Variants in IQGAP3 observed in about 807,000 individuals in gnomAD.
The protein encoded by IQGAP3 is ras GTPase-activating-like protein IQGAP3.
Under a neutral mutation model 208.2 loss-of-function variants are expected in IQGAP3, and 165 were observed. That is an observed-to-expected ratio of 0.79 (90% CI 0.70 to 0.90). The LOEUF is 0.90. Among genes scored for constraint, IQGAP3 ranks in the 40% least tolerant of loss-of-function variants. The probability of loss-of-function intolerance (pLI) is 0.00; values close to 1 mark genes in which losing one functional copy is unlikely to be tolerated. For synonymous variants in IQGAP3, 703 were observed against 803.6 expected (o/e 0.87, Z 2.12); for missense variants, 1,811 against 2,043.1 (o/e 0.89, Z 2.19).
In IQGAP3 at chr1:156,544,263, C is replaced by A. The variant is rs760205441; in HGVS notation, c.2389-40G>T. 8 of 1,605,046 alleles carry A rather than the reference C, an allele frequency of 5.0e-6. No homozygotes were observed. In the Admixed American group the frequency reaches 6.7e-5, roughly 13 times the overall value. Reference sequence around the variant, plus strand: ...ACACTGCCTCAGCTCCAGCTTGGGGCCCACCCTCACTCAGTCTCAGGCCAA... The same window carrying A: ...ACACTGCCTCAGCTCCAGCTTGGGGACCACCCTCACTCAGTCTCAGGCCAA... On this transcript the variant is annotated intron_variant, in intron 20 of 37. Coordinates refer to ENST00000361170, the MANE Select transcript of IQGAP3 (RefSeq NM_178229.5).
In IQGAP3 at chr1:156,544,482, A is replaced by C. The variant is rs373851830; in HGVS notation, c.2305-10T>G. 7 of 1,610,556 alleles carry C rather than the reference A, an allele frequency of 4.3e-6. No homozygotes were observed. Among genetic ancestry groups the C allele is most frequent in the Non-Finnish European group, 5.9e-6 (7 of 1,176,706 alleles). ...AACCCCGCCAATGAGCCTGCACATC[A>C]GGAGAGAAAGGGAAGTAACTCAAGC... On this transcript the variant is annotated splice_polypyrimidine_tract_variant and intron_variant, in intron 19 of 37. Transcript: ENST00000361170.
At chr1:156,547,080 T>C (rs769931953) in intron 19 of IQGAP3, among the ~76,000 whole-genome samples, 33 of 152,218 alleles carry the variant, frequency 2.2e-4, no homozygotes, top group Non-Finnish European at 4.1e-4. Context: ...AGATCACATC[T>C]GCCTGGGAAG....
Position 156,533,992 on chromosome 1 carries a change from A to T in IQGAP3, c.3873+17T>A. ...CTTGCCCACCCAGCCAACACCCTCC[A>T]GATCTCAGCCCCTCACCCTGTGCGT... On this transcript the variant is annotated intron_variant, in intron 30 of 37. Coordinates refer to ENST00000361170, the MANE Select transcript of IQGAP3 (RefSeq NM_178229.5). The T allele has an allele frequency of 6.2e-7, 1 of 1,613,320 alleles. No individual in the cohort carries two copies. Among genetic ancestry groups the T allele is most frequent in the Non-Finnish European group, 8.5e-7 (1 of 1,179,822 alleles).
chr1:156,551,887 G>T lies in IQGAP3; in HGVS notation c.1571-19C>A, dbSNP rs1557935977. 1 of 1,598,140 alleles carries T rather than the reference G, an allele frequency of 6.3e-7. No homozygotes were observed. Among genetic ancestry groups the T allele is most frequent in the Non-Finnish European group, 8.5e-7 (1 of 1,170,132 alleles). Reference sequence around the variant, plus strand: ...AGGACCCCTAAGAAAGAGAGATCTAGGTGGGCAGGGGGCCCCTAGACTTAA... The same window carrying T: ...AGGACCCCTAAGAAAGAGAGATCTATGTGGGCAGGGGGCCCCTAGACTTAA... On this transcript the variant is annotated intron_variant, in intron 14 of 37. Coordinates refer to ENST00000361170, the MANE Select transcript of IQGAP3 (RefSeq NM_178229.5).
At chr1:156,570,594 C>T (rs1676604201) in intron 1 of IQGAP3, among the ~76,000 whole-genome samples, 2 of 152,348 alleles carry the variant, frequency 1.3e-5, no homozygotes, top group South Asian at 4.1e-4. Context: ...CCTTGACCTC[C>T]TGGGCTCAGG....
In IQGAP3 at chr1:156,566,370, G is replaced by A; in HGVS notation, c.282+20C>T. ...TAGTTTGAGGGGACGAAGGTAGAAG[G>A]TGGGGTCCAATCCTCCCACCTGGTA... On this transcript the variant is annotated intron_variant, in intron 3 of 37. Transcript: ENST00000361170. 6.2e-7 allele frequency: 1 copy of A among 1,612,322 alleles called. No individual in the cohort carries two copies. Among genetic ancestry groups the A allele is most frequent in the Non-Finnish European group, 8.5e-7 (1 of 1,178,670 alleles).
chr1:156,548,783 T>C (rs776311872), intron 16 of IQGAP3, 35 bp from the exon 17 acceptor site: 1 of 1,511,166 alleles, frequency 6.6e-7, no homozygotes, highest in African/African-American at 1.4e-5. Flanking sequence ...AGTCAATCCT[T>C]CCCCCGAGTC....
intron 3 of IQGAP3, 50 bp downstream of exon 3, chr1:156,566,340 A>T (rs987286648): frequency 1.3e-6 from 2 of 1,577,680 alleles, no homozygotes; most frequent in African/African-American, 1.3e-5. Context: ...TTTGAGGAGA[A>T]AGCATAGTTT....
chr1:156,539,151 A>C, intron 25 of IQGAP3, 118 bp from the exon 26 acceptor site: 1 of 906,514 alleles, frequency 1.1e-6, no homozygotes, highest in Non-Finnish European at 1.7e-6. Flanking sequence ...CTCTTAAGGA[A>C]TGTCTTGATA....
intron 19 of IQGAP3, 103 bp downstream of exon 19, chr1:156,547,970 G>A (rs1040131988): frequency 1.2e-5 from 13 of 1,066,340 alleles, no homozygotes; most frequent in Non-Finnish European, 1.6e-5. Flanking sequence ...ACTATTCAGA[G>A]GCCGAAAGGT....
intron 31 of IQGAP3, 145 bp downstream of exon 31, chr1:156,533,628 G>A: frequency 1.5e-6 from 1 of 650,986 alleles, no homozygotes; most frequent in South Asian, 1.9e-5. Flanking sequence ...CTGTGCCCAT[G>A]TCAGGACCAG....
At position 156,556,644 on chromosome 1, in the gene IQGAP3, C is replaced by CGCCA; in HGVS notation, c.1175_1178dup (p.Ala394GlyfsTer3). ...ACATCAGCTCCTTCACAGTGTCAGC[C>CGCCA]GCCACTCTCCTCCGGATGGCTTTGT... On this transcript the variant is annotated frameshift_variant, in exon 12 of 38. Transcript: ENST00000361170. LOFTEE classifies it high-confidence loss of function. 1 of 1,608,632 alleles carries CGCCA rather than the reference C, an allele frequency of 6.2e-7. No homozygotes were observed. The highest frequency in any genetic ancestry group is 2.2e-5 in the East Asian group (1 of 44,702).
At chr1:156,531,121 T>C (rs1276396802) in intron 33 of IQGAP3, 39 bp downstream of exon 33, 1 of 1,411,400 alleles carries the variant, frequency 7.1e-7, no homozygotes, top group Non-Finnish European at 1.0e-6. Flanking sequence ...AGGTGGGGGA[T>C]GAATGAGACA....
chr1:156,534,478 CAG>C, intron 29 of IQGAP3, 21 bp downstream of exon 29: 1 of 1,495,418 alleles, frequency 6.7e-7, no homozygotes, highest in East Asian at 2.3e-5. Context: ...AGAAAGGGGA[CAG>C]AGAGGAAAGG....
intron 2 of IQGAP3, among the ~76,000 whole-genome samples, chr1:156,568,169 A>G (rs1194678320): frequency 1.3e-5 from 2 of 152,210 alleles, no homozygotes; most frequent in Non-Finnish European, 2.9e-5. Context: ...AGTGGGGGAA[A>G]AAAAACCACC....
rs1219184030 is a variant in IQGAP3 at position 156,572,539 on chromosome 1, T to C, written c.-10A>G. 3 of 1,612,844 alleles carry C rather than the reference T, an allele frequency of 1.9e-6. No individual in the cohort carries two copies. Among genetic ancestry groups the C allele is most frequent in the African/African-American group, 1.3e-5 (1 of 75,030 alleles). Reference sequence around the variant, plus strand: ...CTGCTCTCCTCTCCATGTTCCTCCTTCTTCCAGGTTTGAATCTCCCGCCGT... The same window carrying C: ...CTGCTCTCCTCTCCATGTTCCTCCTCCTTCCAGGTTTGAATCTCCCGCCGT... On this transcript the variant is annotated 5_prime_UTR_variant, in exon 1 of 38. Coordinates refer to ENST00000361170, the MANE Select transcript of IQGAP3 (RefSeq NM_178229.5).
At position 156,548,620 on chromosome 1, in the gene IQGAP3, G is replaced by A. The variant is rs145193228; in HGVS notation, c.1954C>T (p.Arg652Ter). ...TTTGCCATGGCACTTTCCAGGGCTC[G>A]CTGGTAGCCGTTGGCACAGTCGGGA... ...VVPDCANGYQ[R>*]ALESAMAKKQ... Residue 652 changes from arginine (R) to a stop codon, truncating the protein, a stop_gained, in exon 17 of 38, where the codon CGA (arginine) becomes TGA (stop). Transcript: ENST00000361170. LOFTEE classifies it high-confidence loss of function. 8.7e-6 allele frequency: 14 copies of A among 1,608,540 alleles called. No homozygotes were observed. Among genetic ancestry groups the A allele is most frequent in the African/African-American group, 1.3e-5 (1 of 74,914 alleles).
At chr1:156,537,397 A>T in intron 26 of IQGAP3, 76 bp from the exon 27 acceptor site, 1 of 1,396,040 alleles carries the variant, frequency 7.2e-7, no homozygotes, top group Non-Finnish European at 9.7e-7. Flanking sequence ...TATTCCTTAA[A>T]CGCTTGTCTA....
intron 32 of IQGAP3, 56 bp downstream of exon 32, chr1:156,532,924 C>T: frequency 6.2e-7 from 1 of 1,604,316 alleles, no homozygotes; most frequent in South Asian, 1.1e-5. Context: ...GGCCATTTTA[C>T]TGGCCTCAGG....
Sources: gnomAD v4.1 joint callset for allele counts (sites outside exome capture counted in the v4.1 genomes callset) on GRCh38, gnomAD v4.1.1 for gene constraint, MANE v1.5 for transcripts, NCBI Gene and HGNC (gene_info 2026-07-23, HGNC 2026-07-21) for gene names.